SYN3: variants seen among roughly 807,000 people sequenced by gnomAD.
SYN3 encodes the protein synapsin III.
Under a neutral mutation model 65.8 loss-of-function variants are expected in SYN3, and 35 were observed. The observed-to-expected ratio is 0.53, with a 90% CI of 0.41 to 0.70. SYN3 has a LOEUF of 0.70. Ranked by LOEUF, SYN3 falls within the 30% of genes least tolerant of loss-of-function variation. The pLI is 0.00. For synonymous variants in SYN3, 270 were observed against 292.9 expected, an observed-to-expected ratio of 0.92 and a Z score of 0.80; for missense variants, 680 against 749.0, an observed-to-expected ratio of 0.91 and a Z score of 1.08.
chr22:32,593,565 G>A (rs2059156581), intron 7 of SYN3, among the ~76,000 whole-genome samples: 1 of 152,168 alleles, frequency 6.6e-6, no homozygotes, highest in Non-Finnish European at 1.5e-5. Flanking sequence ...TAAATGACTG[G>A]TGGTTCCTGC....
At chr22:32,907,248 T>A (rs1219978826) in intron 4 of SYN3, among the ~76,000 whole-genome samples, 1 of 152,178 alleles carries the variant, frequency 6.6e-6, no homozygotes, top group African/African-American at 2.4e-5. Flanking sequence ...GTACTTTCAC[T>A]AGCCTAGGAT....
At chr22:32,783,667 T>A (rs2046125903) in intron 6 of SYN3, among the ~76,000 whole-genome samples, 1 of 152,200 alleles carries the variant, frequency 6.6e-6, no homozygotes, top group South Asian at 2.1e-4. Flanking sequence ...ATACCCCTGC[T>A]CTCTCCTGCT....
At chr22:32,623,031 C>T (rs12166411) in intron 6 of SYN3, among the ~76,000 whole-genome samples, 2 of 152,102 alleles carry the variant, frequency 1.3e-5, no homozygotes, top group East Asian at 1.9e-4. Context: ...GAAAGTGGGG[C>T]CTTTTCAACA....
chr22:32,683,759 G>A (rs2060554558), intron 6 of SYN3, among the ~76,000 whole-genome samples: 1 of 152,112 alleles, frequency 6.6e-6, no homozygotes, highest in Non-Finnish European at 1.5e-5. Flanking sequence ...GTATTTACTT[G>A]GAAATAGTGT....
At chr22:32,866,635 A>AT (rs1299161406) in intron 5 of SYN3, among the ~76,000 whole-genome samples, 5 of 152,202 alleles carry the variant, frequency 3.3e-5, no homozygotes. Flanking sequence ...GCTAGTGCTG[A>AT]TGAGTTGTGG....
chr22:32,679,762 A>G (rs1459643361), intron 6 of SYN3, among the ~76,000 whole-genome samples: 1 of 142,842 alleles, frequency 7.0e-6, no homozygotes, highest in Non-Finnish European at 1.5e-5. Flanking sequence ...TCTGTTAGCC[A>G]TTTGTATGTC....
intron 6 of SYN3, among the ~76,000 whole-genome samples, chr22:32,817,351 G>C (rs989864276): frequency 2.0e-5 from 3 of 152,184 alleles, no homozygotes; most frequent in African/African-American, 7.2e-5. Flanking sequence ...TTAATCCAGT[G>C]TTCTCTGAAC....
chr22:33,008,924 C>CAAAAAAAAAAAA (rs201719238), intron 1 of SYN3, among the ~76,000 whole-genome samples: 9 of 57,064 alleles, frequency 1.6e-4, no homozygotes, highest in Non-Finnish European at 2.6e-4. Flanking sequence ...GACTTTATCT[C>CAAAAAAAAAAAA]AAAAAAAAAA....
At chr22:32,676,528 C>CTTTCT (rs2060444875) in intron 6 of SYN3, among the ~76,000 whole-genome samples, 1 of 88,932 alleles carries the variant, frequency 1.1e-5, no homozygotes, top group Admixed American at 1.3e-4. Flanking sequence ...TCTTTTCTTT[C>CTTTCT]TTTTTTTTTT....
At chr22:32,740,124 C>T (rs1279711243) in intron 6 of SYN3, among the ~76,000 whole-genome samples, 2 of 152,216 alleles carry the variant, frequency 1.3e-5, no homozygotes, top group East Asian at 3.8e-4. Context: ...TGAGAACTGT[C>T]TTCTAATATT....
intron 8 of SYN3, among the ~76,000 whole-genome samples, chr22:32,540,096 C>T (rs1037568097): frequency 2.0e-5 from 3 of 152,216 alleles, no homozygotes; most frequent in African/African-American, 7.2e-5. Context: ...TGCACCTCCT[C>T]CAGTTTCACA....
At chr22:32,599,391 G>A (rs946548065) in intron 6 of SYN3, among the ~76,000 whole-genome samples, 1 of 151,182 alleles carries the variant, frequency 6.6e-6, no homozygotes, top group African/African-American at 2.4e-5. Flanking sequence ...GTGCGATCTC[G>A]GCTCAGTGCA....
chr22:32,669,213 T>C (rs1245358923), intron 6 of SYN3, among the ~76,000 whole-genome samples: 4 of 152,212 alleles, frequency 2.6e-5, no homozygotes, highest in Non-Finnish European at 5.9e-5. Flanking sequence ...CCAAAAATTA[T>C]GCTGAATGCT....
intron 6 of SYN3, among the ~76,000 whole-genome samples, chr22:32,641,337 G>A (rs2059895401): frequency 2.6e-5 from 4 of 152,090 alleles, no homozygotes; most frequent in African/African-American, 9.7e-5. Flanking sequence ...GGCCGGGCGC[G>A]GTGGTTCATG....
rs148951738 is a variant in SYN3, at chr22:32,554,724, C to A, written c.775-13011G>T. ...AGAACTAGCTGCATTAGGAATAAGA[C>A]CCCCTTCCCCTCCCTTGTCCGGTGT... On this transcript the variant is annotated intron_variant, in intron 7 of 13. Transcript: ENST00000358763. 2.0e-5 allele frequency among the ~76,000 whole-genome samples: 3 copies of A among 152,280 alleles called. No homozygotes were observed. In the East Asian group the frequency reaches 5.8e-4, roughly 29 times the overall value.
chr22:32,917,689 G>A (rs919540627), intron 4 of SYN3, among the ~76,000 whole-genome samples: 10 of 152,212 alleles, frequency 6.6e-5, no homozygotes, highest in African/African-American at 2.2e-4. Flanking sequence ...CCCATCCCCA[G>A]TTTCTGTGCT....
At chr22:32,742,773 G>A (rs553433588) in intron 6 of SYN3, among the ~76,000 whole-genome samples, 4 of 152,186 alleles carry the variant, frequency 2.6e-5, no homozygotes, top group South Asian at 4.1e-4. Flanking sequence ...AGAAGTCCAC[G>A]TTATTAACAA....
chr22:32,710,094 C>CATAT (rs2060937075), intron 6 of SYN3, among the ~76,000 whole-genome samples: 5 of 94,144 alleles, frequency 5.3e-5, no homozygotes, highest in African/African-American at 1.7e-4. Context: ...CACACACACA[C>CATAT]ACACATGTGT....
chr22:32,616,797 C>T (rs547346094), intron 6 of SYN3, among the ~76,000 whole-genome samples: 1 of 152,264 alleles, frequency 6.6e-6, no homozygotes, highest in South Asian at 2.1e-4. Context: ...GAGTGATGAC[C>T]TGTGGAGGAC....
Sources: allele counts gnomAD v4.1 joint callset (sites outside exome capture counted in the v4.1 genomes callset), GRCh38; gene constraint gnomAD v4.1.1; transcripts MANE v1.5; gene names NCBI Gene and HGNC (gene_info 2026-07-23, HGNC 2026-07-21).